NCALD: variants seen among roughly 807,000 people sequenced by gnomAD.
NCALD encodes neurocalcin delta.
NCALD carries 10 observed loss-of-function variants against 18.6 expected under a neutral mutation model. The observed-to-expected ratio is 0.54, with a 90% CI of 0.33 to 0.91. NCALD has a LOEUF of 0.91. Ranked by LOEUF, NCALD falls within the 40% of genes least tolerant of loss-of-function variation. The probability of loss-of-function intolerance (pLI) is 0.03; values close to 1 mark genes in which losing one functional copy is unlikely to be tolerated. For missense variants in NCALD, 184 were observed against 247.6 expected (o/e 0.74, Z 1.72); for synonymous variants, 88 against 87.4 (o/e 1.01, Z -0.04).
At chr8:101,774,592 T>C (rs995239667) in intron 1 of NCALD, among the ~76,000 whole-genome samples, 9 of 152,182 alleles carry the variant, frequency 5.9e-5, no homozygotes, top group African/African-American at 1.9e-4. Flanking sequence ...AAGAGACATA[T>C]TTAGGTTACA....
intron 1 of NCALD, among the ~76,000 whole-genome samples, chr8:102,114,917 C>A (rs1198200203): frequency 6.6e-6 from 1 of 152,210 alleles, no homozygotes; most frequent in Non-Finnish European, 1.5e-5. Flanking sequence ...CCTGGTCACT[C>A]TTTGGGAGTT....
chr8:101,899,994 G>T (rs1167481882), intron 3 of NCALD, among the ~76,000 whole-genome samples: 2 of 151,910 alleles, frequency 1.3e-5, no homozygotes, highest in South Asian at 2.1e-4. Flanking sequence ...AAACCATCTG[G>T]ACCTGGAACT....
At chr8:102,040,607 G>C (rs1313690224) in intron 1 of NCALD, among the ~76,000 whole-genome samples, 1 of 152,164 alleles carries the variant, frequency 6.6e-6, no homozygotes, top group Admixed American at 6.5e-5. Flanking sequence ...CTGTTATCCT[G>C]ATTAGAATGG....
chr8:101,690,536 T>C (rs1360190316), intron 3 of NCALD: 2 of 985,274 alleles, frequency 2.0e-6, no homozygotes, highest in African/African-American at 1.7e-5. Flanking sequence ...TGTCCTCTTT[T>C]ATTTCTCAAC....
rs184653038 is a variant in NCALD, at chr8:102,034,496, G to A, written c.-209-14207C>T. On this transcript the variant is annotated intron_variant, in intron 1 of 6. Coordinates refer to the NCALD transcript ENST00000311028. ...GGTGGACTGTGCCTAACAGTGTATC[G>A]CCAACACAAATTCATATTCATCCTT... Among the ~76,000 whole-genome samples the A allele has an allele frequency of 1.7e-3, 252 of 152,252 alleles. 1 individual carries two copies. The highest frequency in any genetic ancestry group is 5.5e-3 in the African/African-American group (229 of 41,562).
At chr8:102,067,554 A>G (rs1181479812) in intron 1 of NCALD, among the ~76,000 whole-genome samples, 1 of 152,212 alleles carries the variant, frequency 6.6e-6, no homozygotes, top group African/African-American at 2.4e-5. Flanking sequence ...AGTAGGCATT[A>G]TCTTTCTGAA....
chr8:101,958,649 T>C (rs192222567), intron 2 of NCALD, among the ~76,000 whole-genome samples: 1 of 152,264 alleles, frequency 6.6e-6, no homozygotes, highest in Admixed American at 6.5e-5. Context: ...AATGGGTCAT[T>C]ATCCCTCAAC....
chr8:101,992,319 G>A (rs975592559), intron 2 of NCALD, among the ~76,000 whole-genome samples: 1 of 152,030 alleles, frequency 6.6e-6, no homozygotes, highest in African/African-American at 2.4e-5. Flanking sequence ...TTTTCCCAAG[G>A]TCAAGTGAAT....
exon 1 of NCALD, chr8:102,124,249 T>G (rs1461695820): frequency 7.0e-6 from 1 of 142,754 alleles, no homozygotes; most frequent in Non-Finnish European, 1.5e-5. Flanking sequence ...CCTCGGCCGC[T>G]CCCAGCGTCT....
At chr8:102,098,434 C>T (rs1047478007) in intron 1 of NCALD, among the ~76,000 whole-genome samples, 5 of 152,172 alleles carry the variant, frequency 3.3e-5, no homozygotes, top group East Asian at 1.9e-4. Flanking sequence ...TCTTCCTCCC[C>T]GGCCTCTTCT....
intron 2 of NCALD, among the ~76,000 whole-genome samples, chr8:101,933,780 G>C (rs548008347): frequency 6.6e-6 from 1 of 152,296 alleles, no homozygotes; most frequent in Non-Finnish European, 1.5e-5. Flanking sequence ...ATGAGGACAA[G>C]AAATGATTGC....
At chr8:101,760,009 C>T (rs1421180666) in intron 1 of NCALD, among the ~76,000 whole-genome samples, 2 of 152,098 alleles carry the variant, frequency 1.3e-5, no homozygotes, top group Non-Finnish European at 2.9e-5. Context: ...AGGGGTTGGT[C>T]AAGTCAAAGA....
chr8:101,773,300 G>C (rs1811660661), intron 1 of NCALD, among the ~76,000 whole-genome samples: 1 of 152,166 alleles, frequency 6.6e-6, no homozygotes, highest in African/African-American at 2.4e-5. Flanking sequence ...AGTCAGTTCA[G>C]CGCACAATAC....
At chr8:102,046,765 C>CGT (rs1823258279) in intron 1 of NCALD, among the ~76,000 whole-genome samples, 1 of 151,322 alleles carries the variant, frequency 6.6e-6, no homozygotes, top group African/African-American at 2.4e-5. Context: ...AGGCTTGAGC[C>CGT]AGCATGCCTG....
At chr8:101,826,852 TAG>T (rs930161346) in intron 4 of NCALD, among the ~76,000 whole-genome samples, 1 of 152,140 alleles carries the variant, frequency 6.6e-6, no homozygotes, top group Non-Finnish European at 1.5e-5. Flanking sequence ...CTGTTGTGCA[TAG>T]AGTCACTGAT....
At chr8:101,771,130 C>G (rs1006303721) in intron 1 of NCALD, among the ~76,000 whole-genome samples, 1 of 152,190 alleles carries the variant, frequency 6.6e-6, no homozygotes, top group Non-Finnish European at 1.5e-5. Context: ...GAACTGCTAT[C>G]GGGTAGGTGC....
At chr8:101,843,138 A>G (rs1229058522) in intron 4 of NCALD, among the ~76,000 whole-genome samples, 1 of 152,216 alleles carries the variant, frequency 6.6e-6, no homozygotes, top group Non-Finnish European at 1.5e-5. Flanking sequence ...AAGGAGTTAT[A>G]TGTGCACAAT....
At chr8:102,030,013 A>G (rs1255601231) in intron 1 of NCALD, among the ~76,000 whole-genome samples, 5 of 152,248 alleles carry the variant, frequency 3.3e-5, no homozygotes, top group African/African-American at 1.2e-4. Context: ...ATGCCTCCTA[A>G]AAGAATAAGT....
At chr8:102,110,401 A>G (rs943749154) in intron 1 of NCALD, among the ~76,000 whole-genome samples, 1 of 152,196 alleles carries the variant, frequency 6.6e-6, no homozygotes, top group Non-Finnish European at 1.5e-5. Context: ...ATTGCTTAGG[A>G]CAGTCCCTAT....
Sources: gnomAD v4.1 joint callset for allele counts (sites outside exome capture counted in the v4.1 genomes callset) on GRCh38, gnomAD v4.1.1 for gene constraint, MANE v1.5 for transcripts, NCBI Gene and HGNC (gene_info 2026-07-23, HGNC 2026-07-21) for gene names.